Variants in URAD observed in about 807,000 individuals in gnomAD.
The protein encoded by URAD is putative 2-oxo-4-hydroxy-4-carboxy-5-ureidoimidazoline decarboxylase.
In URAD, 4 loss-of-function variants were observed where a neutral mutation model predicts 4.6. The observed-to-expected ratio is 0.87, with a 90% CI of 0.43 to 1.98. The LOEUF is 1.98. Ranked by LOEUF, URAD falls within the 30% of genes most tolerant of loss-of-function variation. The pLI is 0.03. For missense variants in URAD, 300 were observed against 255.3 expected, an observed-to-expected ratio of 1.18 and a Z score of -1.19; for synonymous variants, 144 against 118.2, an observed-to-expected ratio of 1.22 and a Z score of -1.41.
intron 1 of URAD, 35 bp downstream of exon 1, chr13:27,988,428 C>A: frequency 1.3e-6 from 2 of 1,545,938 alleles, no homozygotes; most frequent in Non-Finnish European, 1.7e-6. Context: ...TATTTGAAAT[C>A]CCTTTGCAGA....
Position 27,978,196 on chromosome 13 carries a change from C to T in URAD, c.432G>A (p.Ala144=), listed in dbSNP as rs1869768084. 2.7e-6 allele frequency: 4 copies of T among 1,500,384 alleles called. No individual in the cohort carries two copies. Among genetic ancestry groups the T allele is most frequent in the East Asian group, 2.8e-5 (1 of 35,356 alleles). The allele number at this position is 1,500,384 out of a possible 1,614,324, so 92.9% of individuals were successfully genotyped here. A position where few individuals can be genotyped will look rare whatever the true frequency, so the allele number is the denominator to read the frequency against. Residue 144 remains alanine, a synonymous_variant, in exon 2 of 2, where the codon GCG becomes GCA. Transcript: ENST00000332715. ...ELARRLLCPS[A]QELRTALGEV... ...CGCCCAGAGCAGTGCGCAGCTCCTG[C>T]GCGGACGGGCAGAGCAGCCGGCGCG... is the stretch of plus-strand genomic sequence containing the variant.
chr13:27,982,353 G>A (rs146665077), intron 1 of URAD, among the ~76,000 whole-genome samples: 52 of 152,250 alleles, frequency 3.4e-4, no homozygotes, highest in African/African-American at 1.2e-3. Context: ...CCCGGGAGGC[G>A]GAGGTTACAG....
intron 1 of URAD, among the ~76,000 whole-genome samples, chr13:27,981,597 C>T (rs556089059): frequency 2.6e-4 from 40 of 152,274 alleles, no homozygotes; most frequent in African/African-American, 8.9e-4. Context: ...AGGAACAGGG[C>T]AGGCAATTGT....
Position 27,988,500 on chromosome 13 carries a change from C to T in URAD, c.138G>A (p.Lys46=). The T allele has an allele frequency of 6.2e-7, 1 of 1,613,260 alleles. No individual in the cohort carries two copies. Among genetic ancestry groups the T allele is most frequent in the Non-Finnish European group, 8.5e-7 (1 of 1,179,534 alleles). ...RPFSDLEDLE[K]HFFAFIDALA... ...GGGCATCAATAAAGGCAAAAAAGTGCTTCTCTAAATCTTCCAAATCAGAGA... is the reference window on the plus strand; with the variant it reads ...GGGCATCAATAAAGGCAAAAAAGTGTTTCTCTAAATCTTCCAAATCAGAGA... The change falls in exon 1 of 2, where the codon AAG becomes AAA. Residue 46 remains lysine, a synonymous_variant. Coordinates refer to ENST00000332715, the MANE Select transcript of URAD (RefSeq NM_001105577.2).
At chr13:27,986,648 A>G (rs1279712810) in intron 1 of URAD, among the ~76,000 whole-genome samples, 3 of 152,182 alleles carry the variant, frequency 2.0e-5, no homozygotes, top group Non-Finnish European at 4.4e-5. Context: ...CTCTCTCAAC[A>G]CGCTCCCTCC....
chr13:27,978,563 G>T (rs868600525), intron 1 of URAD, 111 bp from the exon 2 acceptor site: 37 of 825,526 alleles, frequency 4.5e-5, no homozygotes, highest in Middle Eastern at 4.2e-4. Flanking sequence ...GCCCCGCCCC[G>T]CCCGGCCCCA....
At position 27,981,024 on chromosome 13, in the gene URAD, CT is replaced by C. The variant is rs1416272668; in HGVS notation, c.176-2573del. Among the ~76,000 whole-genome samples, 97 of 68,252 alleles carry C rather than the reference CT, an allele frequency of 1.4e-3. 3 individuals carry two copies. The highest frequency in any genetic ancestry group is 8.4e-4 in the Non-Finnish European group (22 of 26,314). 44.8% of individuals were successfully genotyped at this position (68,252 alleles called of 152,430 possible). ...TTCAGTCGCTTCTCTCTCTCTCTCT[CT>C]CTCCTCTCTCTCTCTCTCTCTCTCT... On this transcript the variant is annotated intron_variant, in intron 1 of 1. Transcript: ENST00000332715.
intron 1 of URAD, among the ~76,000 whole-genome samples, chr13:27,979,859 A>C (rs12429062): frequency 0.27 from 41,098 of 152,094 alleles, 6,309 homozygotes; most frequent in Admixed American, 0.38. Flanking sequence ...GACACGGAGA[A>C]CTGGGGGTAA....
chr13:27,984,018 G>A (rs931429413), intron 1 of URAD, among the ~76,000 whole-genome samples: 1 of 152,066 alleles, frequency 6.6e-6, no homozygotes, highest in African/African-American at 2.4e-5. Context: ...ATAAATTGTG[G>A]CATTACTATA....
chr13:27,986,975 C>T (rs142757520), intron 1 of URAD, among the ~76,000 whole-genome samples: 22 of 152,264 alleles, frequency 1.4e-4, no homozygotes, highest in African/African-American at 5.3e-4. Flanking sequence ...GGAGAGGCCC[C>T]CAGAAGTGGG....
intron 1 of URAD, among the ~76,000 whole-genome samples, chr13:27,981,028 C>CACTCTCTCTCT (rs149754765): frequency 8.5e-6 from 1 of 117,132 alleles, no homozygotes; most frequent in Admixed American, 9.4e-5. Context: ...CTCTCTCTCT[C>CACTCTCTCTCT]CTCTCTCTCT....
intron 1 of URAD, among the ~76,000 whole-genome samples, chr13:27,981,718 G>A (rs905863986): frequency 6.6e-6 from 1 of 152,080 alleles, no homozygotes; most frequent in African/African-American, 2.4e-5. Flanking sequence ...CCTATGGAAG[G>A]CCAACCCCTC....
At chr13:27,985,143 G>A (rs187298342) in intron 1 of URAD, among the ~76,000 whole-genome samples, 1 of 151,970 alleles carries the variant, frequency 6.6e-6, no homozygotes, top group East Asian at 1.9e-4. Flanking sequence ...TCATTTTTTG[G>A]TAGTAAGAAC....
In URAD at chr13:27,978,327, G is replaced by A. The variant is rs1411319652; in HGVS notation, c.301C>T (p.Arg101Trp). The A allele has an allele frequency of 2.2e-6, 3 of 1,393,442 alleles. No individual in the cohort carries two copies. The highest frequency in any genetic ancestry group is 2.8e-6 in the Non-Finnish European group (3 of 1,081,600). 86.3% of individuals were successfully genotyped at this position (1,393,442 alleles called of 1,614,324 possible). A position where few individuals can be genotyped will look rare whatever the true frequency, so the allele number is the denominator to read the frequency against. ...AGLRSLGADE[R>W]LRLAELNAQY... is the part of the protein sequence containing the mutation. ...GCGTTGAGCTCGGCCAGCCGCAGCC[G>A]CTCGTCCGCGCCCAGGCTCCTCAGG... is the stretch of plus-strand genomic sequence containing the variant. The change falls in exon 2 of 2, where the codon CGG (arginine) becomes TGG (tryptophan). Residue 101 changes from arginine (R) to tryptophan (W), a missense_variant. By Grantham distance (101) the Arg-to-Trp change is moderately radical (BLOSUM62 -3). Transcript: ENST00000332715.
In URAD at chr13:27,978,138, C is replaced by G; in HGVS notation, c.490G>C (p.Asp164His). ...TTGGCGGGGTCTGCGCGGAGGAGGT[C>G]GGCCAGGCGCAGGCTGCCGATCTTC... The part of the protein sequence containing the change: ...VKKIGSLRLA[D>H]LLRADPAKL The change falls in exon 2 of 2, where the codon GAC (aspartate) becomes CAC (histidine). Residue 164 changes from aspartate to histidine, a missense_variant. Coordinates refer to ENST00000332715, the MANE Select transcript of URAD (RefSeq NM_001105577.2). 6.5e-7 allele frequency: 1 copy of G among 1,529,000 alleles called. No individual in the cohort carries two copies. The highest frequency in any genetic ancestry group is 8.7e-7 in the Non-Finnish European group (1 of 1,151,082). 94.7% of individuals were successfully genotyped at this position (1,529,000 alleles called of 1,614,324 possible).
At chr13:27,978,593 GAAGTA>G in intron 1 of URAD, 141 bp from the exon 2 acceptor site, 1 of 614,212 alleles carries the variant, frequency 1.6e-6, no homozygotes, top group Non-Finnish European at 2.3e-6. Flanking sequence ...GCGGGAGGGT[GAAGTA>G]GAGTACCCAG....
chr13:27,981,121 CAG>C (rs1034079554), intron 1 of URAD, among the ~76,000 whole-genome samples: 3 of 151,706 alleles, frequency 2.0e-5, no homozygotes, highest in Non-Finnish European at 4.4e-5. Flanking sequence ...TCGGAAGAAA[CAG>C]AGCCTGACCT....
intron 1 of URAD, among the ~76,000 whole-genome samples, chr13:27,979,397 T>C (rs1869812738): frequency 6.6e-6 from 1 of 152,162 alleles, no homozygotes. Flanking sequence ...CTCTCTAAAG[T>C]GAAAATTAGA....
rs1367295293 is a variant in URAD, at chr13:27,978,312, C to T, written c.316G>A (p.Glu106Lys). 1.4e-6 allele frequency: 2 copies of T among 1,396,462 alleles called. No homozygotes were observed. The highest frequency in any genetic ancestry group is 3.5e-5 in the Admixed American group (1 of 28,844). The allele number at this position is 1,396,462 out of a possible 1,614,324, so 86.5% of individuals were successfully genotyped here. The part of the protein sequence containing the change: ...LGADERLRLA[E>K]LNAQYRARFG... ...CGCGCGCGGTACTGCGCGTTGAGCT[C>T]GGCCAGCCGCAGCCGCTCGTCCGCG... Residue 106 changes from glutamate (E) to lysine (K), a missense_variant, in exon 2 of 2, where the codon GAG becomes AAG. Coordinates refer to ENST00000332715, the MANE Select transcript of URAD (RefSeq NM_001105577.2).
Sources: gnomAD v4.1 joint callset for allele counts (sites outside exome capture counted in the v4.1 genomes callset) on GRCh38, gnomAD v4.1.1 for gene constraint, MANE v1.5 for transcripts, NCBI Gene and HGNC (gene_info 2026-07-23, HGNC 2026-07-21) for gene names.